Variants in STK3 observed in about 807,000 individuals in gnomAD.
The protein encoded by STK3 is serine/threonine kinase 3.
In STK3, 41 loss-of-function variants were observed where a neutral mutation model predicts 58.0. The ratio of observed to expected loss-of-function variants is 0.71; its 90% confidence interval spans 0.55 to 0.92. STK3 has a LOEUF of 0.92. Among genes scored for constraint, STK3 ranks in the 40% least tolerant of loss-of-function variants. The pLI is 0.00. For synonymous variants in STK3, 170 were observed against 191.0 expected (o/e 0.89, Z 0.91); for missense variants, 479 against 602.7 (o/e 0.79, Z 2.15).
intron 3 of STK3, chr8:98,430,279 C>T (rs573068510): frequency 2.5e-4 from 42 of 167,104 alleles, no homozygotes; most frequent in African/African-American, 7.7e-4. Flanking sequence ...AATGTATTTC[C>T]GGATGAGGTT....
chr8:98,762,083 C>T (rs917779759), intron 3 of STK3, among the ~76,000 whole-genome samples: 1 of 152,118 alleles, frequency 6.6e-6, no homozygotes, highest in Non-Finnish European at 1.5e-5. Context: ...TTTCCCTGAA[C>T]CTCCAAACAT....
rs537829166 is a variant in STK3, at chr8:98,455,585, C to G, written c.*257G>C. On this transcript the variant is annotated 3_prime_UTR_variant, in exon 11 of 11. Transcript: ENST00000419617. ...GAGACCTTGAAAATCCATTTCATAA[C>G]AGTTTTATTACTGGTATGCAGCTGA... is the stretch of plus-strand genomic sequence containing the variant. 2.2e-6 allele frequency: 1 copy of G among 464,232 alleles called. No homozygotes were observed. The highest frequency in any genetic ancestry group is 2.7e-5 in the South Asian group (1 of 37,278). 28.8% of individuals were successfully genotyped at this position (464,232 alleles called of 1,614,324 possible). A position where few individuals can be genotyped will look rare whatever the true frequency, so the allele number is the denominator to read the frequency against.
intron 8 of STK3, among the ~76,000 whole-genome samples, chr8:98,549,721 C>A (rs1166641193): frequency 6.6e-6 from 1 of 151,278 alleles, no homozygotes; most frequent in Non-Finnish European, 1.5e-5. Context: ...GGAATAGGGT[C>A]ATAAAAATAA....
chr8:98,422,051 T>C (rs1190437484), intron 3 of STK3, among the ~76,000 whole-genome samples: 1 of 152,100 alleles, frequency 6.6e-6, no homozygotes, highest in African/African-American at 2.4e-5. Context: ...CACCCTTCTC[T>C]GCCTCATCGC....
At chr8:98,611,780 G>C (rs1817218332) in intron 6 of STK3, among the ~76,000 whole-genome samples, 1 of 152,062 alleles carries the variant, frequency 6.6e-6, no homozygotes, top group Non-Finnish European at 1.5e-5. Flanking sequence ...TCTAGGCCTA[G>C]GTTGGTTGGT....
At chr8:98,562,125 A>G (rs896250036) in intron 8 of STK3, among the ~76,000 whole-genome samples, 4 of 152,198 alleles carry the variant, frequency 2.6e-5, no homozygotes, top group Admixed American at 2.0e-4. Flanking sequence ...TAAGCTGAAC[A>G]TACCATAAGA....
intron 1 of STK3, among the ~76,000 whole-genome samples, chr8:98,930,919 G>T (rs966408150): frequency 1.3e-5 from 2 of 152,194 alleles, no homozygotes; most frequent in Non-Finnish European, 2.9e-5. Flanking sequence ...CCTGCACAGC[G>T]CCTGAAGGAA....
intron 3 of STK3, among the ~76,000 whole-genome samples, chr8:98,420,162 G>A (rs1444726706): frequency 6.6e-6 from 1 of 152,170 alleles, no homozygotes; most frequent in Non-Finnish European, 1.5e-5. Context: ...GTTAAATTGT[G>A]TGCTTTTCTG....
At chr8:98,386,728 C>A (rs1163875059) in intron 1 of STK3, among the ~76,000 whole-genome samples, 1 of 152,046 alleles carries the variant, frequency 6.6e-6, no homozygotes, top group African/African-American at 2.4e-5. Context: ...GTCTGTAATC[C>A]CAGCACTTTG....
At position 98,491,162 on chromosome 8, in the gene STK3, CGAGAGAGAGAGA is replaced by C. The variant is rs61704241; in HGVS notation, c.1318-35174_1318-35163del. ...TTTTCTTGCTTACACAAAATAAACA[CGAGAGAGAGAGA>C]GAGAGAGAGAGAGAGAGAGAGAGAG... On this transcript the variant is annotated intron_variant, in intron 10 of 10. Coordinates refer to ENST00000419617, the MANE Select transcript of STK3 (RefSeq NM_006281.4). 1.9e-3 allele frequency among the ~76,000 whole-genome samples: 276 copies of C among 142,940 alleles called. 1 individual carries two copies. In the South Asian group the frequency reaches 0.02, roughly 11 times the overall value. 93.8% of individuals were successfully genotyped at this position (142,940 alleles called of 152,430 possible). A position where few individuals can be genotyped will look rare whatever the true frequency, so the allele number is the denominator to read the frequency against.
At chr8:98,732,381 A>G (rs1425037704) in intron 4 of STK3, among the ~76,000 whole-genome samples, 2 of 152,166 alleles carry the variant, frequency 1.3e-5, no homozygotes, top group East Asian at 3.8e-4. Flanking sequence ...CCAGAGGGGG[A>G]AAAAACCTAC....
chr8:98,774,081 C>A (rs1475851606), intron 2 of STK3, among the ~76,000 whole-genome samples: 1 of 152,158 alleles, frequency 6.6e-6, no homozygotes, highest in East Asian at 1.9e-4. Flanking sequence ...CAGGCGTGAG[C>A]CACCGCGACC....
intron 7 of STK3, among the ~76,000 whole-genome samples, chr8:98,583,002 A>G (rs1178731323): frequency 4.6e-5 from 7 of 152,046 alleles, no homozygotes; most frequent in Admixed American, 2.0e-4. Context: ...GTTCTTTATC[A>G]ATATTAAGTG....
intron 6 of STK3, chr8:98,598,520 T>C (rs140078504): frequency 4.1e-6 from 4 of 985,398 alleles, no homozygotes; most frequent in Non-Finnish European, 4.8e-6. Flanking sequence ...CAATAATAGA[T>C]TTTCTTGACA....
At chr8:98,624,623 G>A (rs540318910) in intron 6 of STK3, among the ~76,000 whole-genome samples, 34 of 152,230 alleles carry the variant, frequency 2.2e-4, no homozygotes, top group Non-Finnish European at 4.1e-4. Flanking sequence ...AGACCAAGGC[G>A]GGTGGGATCA....
intron 1 of STK3, among the ~76,000 whole-genome samples, chr8:98,795,331 T>G (rs543006007): frequency 1.2e-4 from 13 of 105,876 alleles, no homozygotes; most frequent in African/African-American, 4.5e-4. Context: ...CAACATCCCT[T>G]CATGATAAAA....
intron 10 of STK3, among the ~76,000 whole-genome samples, chr8:98,498,382 C>T (rs1017488681): frequency 6.6e-6 from 1 of 152,172 alleles, no homozygotes; most frequent in Non-Finnish European, 1.5e-5. Flanking sequence ...GTGTTCCATT[C>T]TGCAGTAACA....
intron 6 of STK3, among the ~76,000 whole-genome samples, chr8:98,698,113 T>C (rs1825161382): frequency 3.3e-5 from 5 of 152,160 alleles, no homozygotes; most frequent in Admixed American, 2.6e-4. Flanking sequence ...TTCACCATTA[T>C]GTAATGGCCT....
intron 4 of STK3, among the ~76,000 whole-genome samples, chr8:98,719,721 T>C (rs1264610611): frequency 6.6e-6 from 1 of 152,228 alleles, no homozygotes; most frequent in African/African-American, 2.4e-5. Flanking sequence ...AATATATTCT[T>C]GACTGGCTCT....
Sources: gnomAD v4.1 joint callset for allele counts (sites outside exome capture counted in the v4.1 genomes callset) on GRCh38, gnomAD v4.1.1 for gene constraint, MANE v1.5 for transcripts, NCBI Gene and HGNC (gene_info 2026-07-23, HGNC 2026-07-21) for gene names.